NALCN: variants seen among roughly 807,000 people sequenced by gnomAD.
The protein encoded by NALCN is sodium leak channel NALCN.
Under a neutral mutation model 225.3 loss-of-function variants are expected in NALCN, and 111 were observed. That is an observed-to-expected ratio of 0.49 (90% CI 0.42 to 0.58). The LOEUF (loss-of-function observed/expected upper bound fraction) is 0.58. NALCN is among the 20% of genes least tolerant of loss of function. The probability of loss-of-function intolerance (pLI) is 0.00; values close to 1 mark genes in which losing one functional copy is unlikely to be tolerated. For missense variants in NALCN, 1,378 were observed against 2,202.4 expected (o/e 0.63, Z 7.49); for synonymous variants, 764 against 769.0 (o/e 0.99, Z 0.11).
chr13:101,398,116 T>C (rs543101958), intron 2 of NALCN, among the ~76,000 whole-genome samples: 1 of 152,290 alleles, frequency 6.6e-6, no homozygotes, highest in East Asian at 1.9e-4. Flanking sequence ...AGCAGGAATG[T>C]CACACTAACG....
intron 10 of NALCN, among the ~76,000 whole-genome samples, chr13:101,277,771 A>G (rs1439736752): frequency 2.0e-5 from 3 of 152,156 alleles, no homozygotes; most frequent in Admixed American, 2.0e-4. Context: ...ATCTTTCTCT[A>G]CTCTTAGAAA....
rs1308457240 is a variant in NALCN, at chr13:101,376,752, G to GTA, written c.591_592insTA (p.Gln198TyrfsTer13). On this transcript the variant is annotated frameshift_variant, in exon 6 of 44. Transcript: ENST00000251127. LOFTEE classifies it high-confidence loss of function. ...TGATAAGTAAATGTTCCAAACATCT[G>GTA]AACTCCTAAAATTCCATAAAGAAGT... is the stretch of plus-strand genomic sequence containing the variant. The GTA allele has an allele frequency of 9.3e-6, 15 of 1,613,148 alleles. No individual in the cohort carries two copies. The highest frequency in any genetic ancestry group is 1.3e-5 in the African/African-American group (1 of 74,782).
chr13:101,204,919 C>T (rs961185991), intron 13 of NALCN, among the ~76,000 whole-genome samples: 5 of 152,050 alleles, frequency 3.3e-5, no homozygotes, highest in African/African-American at 1.2e-4. Flanking sequence ...ATAATCTTAG[C>T]AATGACCCTG....
intron 13 of NALCN, among the ~76,000 whole-genome samples, chr13:101,212,396 C>T: frequency 6.6e-6 from 1 of 152,148 alleles, no homozygotes; most frequent in East Asian, 1.9e-4. Flanking sequence ...TCTATTGTAG[C>T]ATATGTCACC....
At chr13:101,326,176 T>TA (rs1196912370) in intron 7 of NALCN, among the ~76,000 whole-genome samples, 1 of 152,194 alleles carries the variant, frequency 6.6e-6, no homozygotes. Flanking sequence ...CAGCTCTTAA[T>TA]AAGGTAGGTA....
intron 14 of NALCN, among the ~76,000 whole-genome samples, chr13:101,178,868 G>T (rs2039072912): frequency 6.6e-6 from 1 of 152,156 alleles, no homozygotes; most frequent in African/African-American, 2.4e-5. Flanking sequence ...TTAGCAGATT[G>T]CCAGTGATGT....
At chr13:101,180,166 G>T (rs1197410157) in intron 14 of NALCN, among the ~76,000 whole-genome samples, 1 of 147,434 alleles carries the variant, frequency 6.8e-6, no homozygotes. Flanking sequence ...CCTATCTTTT[G>T]TAGGGGCCCA....
chr13:101,074,284 CTT>C (rs1317581450), intron 36 of NALCN, among the ~76,000 whole-genome samples: 1 of 151,932 alleles, frequency 6.6e-6, no homozygotes, highest in African/African-American at 2.4e-5. Flanking sequence ...TTTTTGTTTT[CTT>C]TTATTTCTAA....
intron 7 of NALCN, among the ~76,000 whole-genome samples, chr13:101,297,602 C>T (rs1307884539): frequency 6.6e-6 from 1 of 152,176 alleles, no homozygotes; most frequent in African/African-American, 2.4e-5. Context: ...CTTTGGGAAC[C>T]TCTCTTGGGC....
At chr13:101,220,255 A>G (rs546672972) in intron 13 of NALCN, among the ~76,000 whole-genome samples, 4 of 152,328 alleles carry the variant, frequency 2.6e-5, no homozygotes, top group East Asian at 3.9e-4. Context: ...TGCCTTGGCT[A>G]ATACTGTAAT....
At chr13:101,101,082 G>A (rs1406230432) in intron 26 of NALCN, among the ~76,000 whole-genome samples, 194 bp from the exon 27 acceptor site, 1 of 151,956 alleles carries the variant, frequency 6.6e-6, no homozygotes, top group African/African-American at 2.4e-5. Context: ...AAATTAACAA[G>A]CTTTGAATTT....
In NALCN at chr13:101,111,211, C is replaced by T; in HGVS notation, c.2208G>A (p.Gln736=). The change falls in exon 19 of 44, where the codon CAG becomes CAA. Residue 736 remains glutamine (Q), a synonymous_variant. Transcript: ENST00000251127. The part of the protein sequence containing the change: ...VTKILRACTR[Q]RMLSGSFEGQ... ...CCTCAAATGATCCGCTCAGCATGCG[C>T]TGTCGGGTGCAAGCTCTAGGAAAAA... 1 of 1,594,902 alleles carries T rather than the reference C, an allele frequency of 6.3e-7. No individual in the cohort carries two copies.
At chr13:101,114,938 C>G (rs2139662502) in intron 18 of NALCN, among the ~76,000 whole-genome samples, 1 of 152,286 alleles carries the variant, frequency 6.6e-6, no homozygotes, top group African/African-American at 2.4e-5. Flanking sequence ...TAGTTCGTCA[C>G]ATATGCCATG....
intron 3 of NALCN, among the ~76,000 whole-genome samples, chr13:101,393,481 T>C (rs74868358): frequency 0.076 from 11,605 of 152,238 alleles, 1,444 homozygotes; most frequent in African/African-American, 0.26. Flanking sequence ...TGTCTTCCAA[T>C]GGATCAATGA....
At chr13:101,384,304 G>A (rs1025083641) in intron 3 of NALCN, among the ~76,000 whole-genome samples, 1 of 152,216 alleles carries the variant, frequency 6.6e-6, no homozygotes, top group South Asian at 2.1e-4. Flanking sequence ...CTTGAGCTAT[G>A]CGCAAAAATC....
chr13:101,383,279 T>C (rs1478267707), intron 3 of NALCN, among the ~76,000 whole-genome samples: 1 of 152,220 alleles, frequency 6.6e-6, no homozygotes, highest in Non-Finnish European at 1.5e-5. Flanking sequence ...TCGCAGAATA[T>C]GCCTTTGTAA....
chr13:101,170,404 G>A (rs2038658178), intron 15 of NALCN, among the ~76,000 whole-genome samples: 1 of 152,146 alleles, frequency 6.6e-6, no homozygotes, highest in South Asian at 2.1e-4. Context: ...ATTGGGGAAG[G>A]AGGTCTGCTT....
At chr13:101,201,184 G>A (rs1236035089) in intron 13 of NALCN, among the ~76,000 whole-genome samples, 1 of 152,062 alleles carries the variant, frequency 6.6e-6, no homozygotes, top group African/African-American at 2.4e-5. Context: ...ATAGGTTTTT[G>A]AGATACAATT....
At chr13:101,314,517 G>T (rs1194041644) in intron 7 of NALCN, among the ~76,000 whole-genome samples, 1 of 152,016 alleles carries the variant, frequency 6.6e-6, no homozygotes, top group African/African-American at 2.4e-5. Flanking sequence ...AGCCTGAATA[G>T]TTCAGTCACT....
Sources: gnomAD v4.1 joint callset for allele counts (sites outside exome capture counted in the v4.1 genomes callset) on GRCh38, gnomAD v4.1.1 for gene constraint, MANE v1.5 for transcripts, NCBI Gene and HGNC (gene_info 2026-07-23, HGNC 2026-07-21) for gene names.